Variants in TRABD2B observed in about 807,000 individuals in gnomAD.
TRABD2B encodes the protein TraB domain containing 2B, also known as metalloprotease TIKI2.
A neutral mutation model predicts 40.1 loss-of-function variants in TRABD2B; 14 were observed. The ratio of observed to expected loss-of-function variants is 0.35; its 90% CI spans 0.23 to 0.55. The LOEUF is 0.55. TRABD2B is among the 20% of genes least tolerant of loss of function. The pLI, the probability that TRABD2B is intolerant of heterozygous loss-of-function variation, is 0.90. For synonymous variants in TRABD2B, 263 were observed against 277.0 expected, an observed-to-expected ratio of 0.95 and a Z score of 0.50; for missense variants, 541 against 648.6, an observed-to-expected ratio of 0.83 and a Z score of 1.80.
chr1:47,768,659 G>A (rs187881641), intron 6 of TRABD2B, among the ~76,000 whole-genome samples: 326 of 152,218 alleles, frequency 2.1e-3, no homozygotes, highest in Non-Finnish European at 3.7e-3. Context: ...TTTATTATAC[G>A]TAGTTTGCAT....
At chr1:47,959,709 G>A (rs1645480872) in intron 2 of TRABD2B, among the ~76,000 whole-genome samples, 1 of 152,134 alleles carries the variant, frequency 6.6e-6, no homozygotes, top group Admixed American at 6.5e-5. Flanking sequence ...CTGAAATTGA[G>A]ACAATAATTA....
intron 2 of TRABD2B, among the ~76,000 whole-genome samples, chr1:47,889,444 T>C (rs1394882735): frequency 1.3e-5 from 2 of 152,240 alleles, no homozygotes; most frequent in Admixed American, 6.5e-5. Context: ...TCATGTCACA[T>C]TGTTCATGTG....
At chr1:47,782,997 G>A (rs867077515) in intron 4 of TRABD2B, among the ~76,000 whole-genome samples, 7 of 152,230 alleles carry the variant, frequency 4.6e-5, no homozygotes, top group South Asian at 2.1e-4. Context: ...CTGAGGCCTC[G>A]TGGATGAGAA....
intron 2 of TRABD2B, among the ~76,000 whole-genome samples, chr1:47,899,444 C>T (rs1371067488): frequency 6.6e-6 from 1 of 152,212 alleles, no homozygotes; most frequent in African/African-American, 2.4e-5. Flanking sequence ...TGAAACAAGG[C>T]CCTGCAAGGC....
intron 2 of TRABD2B, among the ~76,000 whole-genome samples, chr1:47,839,330 A>T (rs1645363020): frequency 6.6e-6 from 1 of 152,094 alleles, no homozygotes; most frequent in Admixed American, 6.6e-5. Context: ...CCTCCACTGC[A>T]AGTGCTAGGA....
intron 2 of TRABD2B, among the ~76,000 whole-genome samples, chr1:47,946,453 G>T (rs1645261411): frequency 6.6e-6 from 1 of 152,052 alleles, no homozygotes; most frequent in Non-Finnish European, 1.5e-5. Flanking sequence ...GAGCAATATT[G>T]AATTTTGTCA....
Position 47,775,229 on chromosome 1 carries a change from C to T in TRABD2B, c.1290G>A (p.Arg430=). Residue 430 remains arginine (R), a synonymous_variant, in exon 6 of 7, where the codon AGG becomes AGA. Transcript: ENST00000606738. ...GCCGCGGCCGCTGGTGTGTGCTCTG[C>T]CTCTTGTGCCACTTCCTCTGCCGGC... is the stretch of plus-strand genomic sequence containing the variant. ...EFGRQRKWHK[R]QSTHQRPRQF... The T allele has an allele frequency of 3.2e-6, 4 of 1,249,824 alleles. No homozygotes were observed. Among genetic ancestry groups the T allele is most frequent in the Non-Finnish European group, 3.0e-6 (3 of 995,794 alleles). 77.4% of individuals were successfully genotyped at this position (1,249,824 alleles called of 1,614,324 possible). A position where few individuals can be genotyped will look rare whatever the true frequency, so the allele number is the denominator to read the frequency against.
At chr1:47,899,234 T>C (rs1406245465) in intron 2 of TRABD2B, among the ~76,000 whole-genome samples, 1 of 152,220 alleles carries the variant, frequency 6.6e-6, no homozygotes. Flanking sequence ...GATCTTGGCA[T>C]GCATGTTGGT....
chr1:47,970,668 G>T (rs1285439307), intron 2 of TRABD2B, among the ~76,000 whole-genome samples: 5 of 152,262 alleles, frequency 3.3e-5, no homozygotes, highest in Middle Eastern at 6.8e-3. Flanking sequence ...TCAGCCGGGG[G>T]TTGGTTGATC....
intron 2 of TRABD2B, among the ~76,000 whole-genome samples, chr1:47,923,965 C>T (rs1421411157): frequency 2.0e-5 from 2 of 99,380 alleles, no homozygotes; most frequent in South Asian, 3.5e-4. Context: ...CACACACACA[C>T]ACACATCCTA....
chr1:47,973,521 G>A (rs1038809350), intron 2 of TRABD2B, among the ~76,000 whole-genome samples: 2 of 152,120 alleles, frequency 1.3e-5, no homozygotes, highest in East Asian at 1.9e-4. Flanking sequence ...GTGTATACTC[G>A]TACTTGCTCC....
chr1:47,886,889 C>T (rs58589897), intron 2 of TRABD2B, among the ~76,000 whole-genome samples: 3,106 of 152,132 alleles, frequency 0.02, 111 homozygotes, highest in African/African-American at 0.072. Context: ...TGTCCCTGGC[C>T]CCCTGCTCCA....
intron 2 of TRABD2B, among the ~76,000 whole-genome samples, chr1:47,854,338 CCT>C (rs550193365): frequency 6.6e-5 from 10 of 152,310 alleles, no homozygotes; most frequent in Admixed American, 5.2e-4. Context: ...TGTTGCAGCC[CCT>C]GTTCTCTTCC....
At chr1:47,901,568 A>C (rs1538778) in intron 2 of TRABD2B, among the ~76,000 whole-genome samples, 144,272 of 152,244 alleles carry the variant, frequency 0.95, 68,683 homozygotes, top group Non-Finnish European at 0.99. Flanking sequence ...TCCCTGACTT[A>C]ACTCATTCAC....
chr1:47,880,497 G>A (rs1644287439), intron 2 of TRABD2B, among the ~76,000 whole-genome samples: 3 of 152,282 alleles, frequency 2.0e-5, no homozygotes, highest in Non-Finnish European at 4.4e-5. Flanking sequence ...TTAAGTGTGT[G>A]GTCATATTGT....
intron 6 of TRABD2B, among the ~76,000 whole-genome samples, chr1:47,770,088 T>A (rs1644359015): frequency 1.3e-5 from 2 of 152,186 alleles, no homozygotes; most frequent in Non-Finnish European, 1.5e-5. Context: ...GTCTAGGATC[T>A]GGGCATCCCA....
At chr1:47,795,344 C>T (rs542636684) in intron 3 of TRABD2B, among the ~76,000 whole-genome samples, 1 of 152,350 alleles carries the variant, frequency 6.6e-6, no homozygotes, top group South Asian at 2.1e-4. Flanking sequence ...TGTGTCTCTG[C>T]CCTGCTGAAC....
chr1:47,949,521 C>T (rs1645310601), intron 2 of TRABD2B, among the ~76,000 whole-genome samples: 1 of 149,160 alleles, frequency 6.7e-6, no homozygotes, highest in Non-Finnish European at 1.5e-5. Flanking sequence ...GATTCTCCTG[C>T]CTCAGCCTTC....
At chr1:47,850,555 T>C (rs998271884) in intron 2 of TRABD2B, among the ~76,000 whole-genome samples, 5 of 152,238 alleles carry the variant, frequency 3.3e-5, no homozygotes, top group African/African-American at 7.2e-5. Context: ...AGCTGAGCCT[T>C]GACCCTTGGT....
Sources: gnomAD v4.1 joint callset for allele counts (sites outside exome capture counted in the v4.1 genomes callset) on GRCh38, gnomAD v4.1.1 for gene constraint, MANE v1.5 for transcripts, NCBI Gene and HGNC (gene_info 2026-07-23, HGNC 2026-07-21) for gene names.